The following SUGCT variants were observed in gnomAD, a reference collection of about 807,000 sequenced individuals.
SUGCT encodes succinyl-CoA:glutarate CoA-transferase.
SUGCT carries 41 observed loss-of-function variants against 55.0 expected under a neutral mutation model. The observed-to-expected ratio is 0.74, with a 90% CI of 0.58 to 0.97. The LOEUF (loss-of-function observed/expected upper bound fraction) is 0.97, where lower values mean the gene tolerates loss of function less well. SUGCT is among the 50% of genes least tolerant of loss of function. The pLI, the probability that SUGCT is intolerant of heterozygous loss-of-function variation, is 0.00. For synonymous variants in SUGCT, 187 were observed against 200.4 expected (o/e 0.93, Z 0.56); for missense variants, 568 against 547.8 (o/e 1.04, Z -0.37).
chr7:40,946,123 A>C, the SUGCT span, among the ~76,000 whole-genome samples: 1 of 141,212 alleles, frequency 7.1e-6, no homozygotes, highest in Non-Finnish European at 1.5e-5. Context: ...TTTTTTTTTC[A>C]TGGCACTCTG....
At chr7:40,224,575 CAG>C (rs1788222925) in intron 6 of SUGCT, among the ~76,000 whole-genome samples, 1 of 152,016 alleles carries the variant, frequency 6.6e-6, no homozygotes, top group African/African-American at 2.4e-5. Flanking sequence ...CCTTAAAAAA[CAG>C]TGTATGTTGT....
At chr7:40,620,265 C>T (rs1198536024) in intron 12 of SUGCT, among the ~76,000 whole-genome samples, 1 of 152,198 alleles carries the variant, frequency 6.6e-6, no homozygotes, top group Non-Finnish European at 1.5e-5. Context: ...AAACATTTAC[C>T]AGCACAGCAC....
At chr7:40,370,070 G>A (rs770992773) in intron 9 of SUGCT, among the ~76,000 whole-genome samples, 2 of 152,014 alleles carry the variant, frequency 1.3e-5, no homozygotes, top group Non-Finnish European at 2.9e-5. Flanking sequence ...CTTGGTTTAG[G>A]GCAGTATGTA....
At chr7:40,713,246 G>A (rs1284044640) in intron 12 of SUGCT, among the ~76,000 whole-genome samples, 1 of 152,180 alleles carries the variant, frequency 6.6e-6, no homozygotes, top group East Asian at 1.9e-4. Context: ...GCTGCAGGCT[G>A]ACCCTCTCCC....
intron 13 of SUGCT, among the ~76,000 whole-genome samples, chr7:40,854,457 T>TTTC (rs1563050798): frequency 3.4e-5 from 5 of 147,356 alleles, no homozygotes; most frequent in African/African-American, 1.0e-4. Flanking sequence ...TCTTTCTTTC[T>TTTC]TTCTTTCTTT....
chr7:40,421,149 G>C (rs866063958), intron 9 of SUGCT, among the ~76,000 whole-genome samples: 2 of 152,172 alleles, frequency 1.3e-5, no homozygotes, highest in African/African-American at 2.4e-5. Flanking sequence ...GGCCTAGTGA[G>C]AACTGTGACG....
At chr7:40,262,406 T>C (rs1007309994) in intron 7 of SUGCT, among the ~76,000 whole-genome samples, 1 of 151,094 alleles carries the variant, frequency 6.6e-6, no homozygotes, top group East Asian at 2.0e-4. Context: ...GTCTCAGCAC[T>C]TTGGGAGGCC....
intron 9 of SUGCT, chr7:40,388,018 T>C (rs10234636): frequency 0.82 from 124,071 of 152,202 alleles, 51,456 homozygotes; most frequent in Middle Eastern, 0.9. Context: ...AGAGAGACGC[T>C]TGGGCTGACC....
intron 6 of SUGCT, among the ~76,000 whole-genome samples, chr7:40,225,673 T>A (rs1257030600): frequency 6.6e-6 from 1 of 152,052 alleles, no homozygotes; most frequent in East Asian, 1.9e-4. Context: ...TGACCTCAAT[T>A]AATCCGCCTG....
intron 9 of SUGCT, among the ~76,000 whole-genome samples, chr7:40,366,404 A>G (rs1783968874): frequency 2.0e-5 from 3 of 152,180 alleles, no homozygotes; most frequent in Non-Finnish European, 4.4e-5. Context: ...AAAAGCCAAA[A>G]TTGACAAATG....
intron 9 of SUGCT, among the ~76,000 whole-genome samples, chr7:40,394,350 G>A (rs934806854): frequency 6.6e-6 from 1 of 152,068 alleles, no homozygotes; most frequent in African/African-American, 2.4e-5. Flanking sequence ...TTTAGGCTTC[G>A]TGGTCTATAC....
chr7:40,242,595 A>G (rs933749093), intron 7 of SUGCT, among the ~76,000 whole-genome samples: 5 of 151,742 alleles, frequency 3.3e-5, no homozygotes, highest in Admixed American at 2.0e-4. Flanking sequence ...TCCACTCCCC[A>G]TGATACCTGC....
At chr7:40,317,114 G>C (rs1439046658) in intron 9 of SUGCT, among the ~76,000 whole-genome samples, 1 of 136,880 alleles carries the variant, frequency 7.3e-6, no homozygotes, top group Non-Finnish European at 1.6e-5. Context: ...TGCCTTTTGG[G>C]CTCGTATGAT....
At chr7:40,464,579 TTTTTAAA>T (rs1789998465) in intron 11 of SUGCT, among the ~76,000 whole-genome samples, 1 of 152,208 alleles carries the variant, frequency 6.6e-6, no homozygotes, top group Non-Finnish European at 1.5e-5. Flanking sequence ...AACTTACAAT[TTTTTAAA>T]TTTACCATGT....
chr7:40,620,507 T>C (rs1170120916), intron 12 of SUGCT, among the ~76,000 whole-genome samples: 3 of 152,066 alleles, frequency 2.0e-5, no homozygotes, highest in Non-Finnish European at 4.4e-5. Flanking sequence ...GTTCAGGCGA[T>C]TCTCCCTGCC....
At chr7:40,192,489 A>G (rs1183204990) in intron 5 of SUGCT, among the ~76,000 whole-genome samples, 2 of 152,164 alleles carry the variant, frequency 1.3e-5, no homozygotes, top group African/African-American at 2.4e-5. Context: ...CATGAGTTTT[A>G]TTTTCCTATA....
the SUGCT span, among the ~76,000 whole-genome samples, chr7:40,915,812 A>G: frequency 6.6e-6 from 1 of 152,196 alleles, no homozygotes; most frequent in East Asian, 1.9e-4. Context: ...TAAGTAAATA[A>G]AATAGAATTT....
chr7:40,551,348 A>G (rs1175362299), intron 12 of SUGCT, among the ~76,000 whole-genome samples: 3 of 152,274 alleles, frequency 2.0e-5, no homozygotes, highest in Non-Finnish European at 4.4e-5. Context: ...CTTTTGAGGG[A>G]GAGAATTGAC....
chr7:40,891,850 A>G, the SUGCT span, among the ~76,000 whole-genome samples: 2 of 152,102 alleles, frequency 1.3e-5, no homozygotes, highest in African/African-American at 4.8e-5. Flanking sequence ...TCTACTAAAA[A>G]TACAAAAATC....
Sources: allele counts gnomAD v4.1 joint callset (sites outside exome capture counted in the v4.1 genomes callset), GRCh38; gene constraint gnomAD v4.1.1; transcripts MANE v1.5; gene names NCBI Gene and HGNC (gene_info 2026-07-23, HGNC 2026-07-21).